The following NEGR1 variants were observed in gnomAD, a reference collection of about 807,000 sequenced individuals.
NEGR1 encodes IgLON family member 4.
A neutral mutation model predicts 40.9 loss-of-function variants in NEGR1; 10 were observed. The observed-to-expected ratio is 0.24, with a 90% CI of 0.15 to 0.42. The LOEUF (loss-of-function observed/expected upper bound fraction) is 0.42, where lower values mean the gene tolerates loss of function less well. Among genes scored for constraint, NEGR1 ranks in the 10% least tolerant of loss-of-function variants. The pLI is 1.00. For synonymous variants in NEGR1, 185 were observed against 166.8 expected (o/e 1.11, Z -0.84); for missense variants, 352 against 438.9 (o/e 0.80, Z 1.77).
chr1:71,494,588 A>T (rs1358761847), intron 6 of NEGR1, among the ~76,000 whole-genome samples: 1 of 152,170 alleles, frequency 6.6e-6, no homozygotes. Flanking sequence ...GAATTATCAA[A>T]TCCAAGTTTA....
In NEGR1 at chr1:71,597,420, A is replaced by G. The variant is rs1255345453; in HGVS notation, c.789-4452T>C. Among the ~76,000 whole-genome samples, 14 of 130,872 alleles carry G rather than the reference A, an allele frequency of 1.1e-4. No individual in the cohort carries two copies. The East Asian group carries it at 3.0e-3, about 28-fold the overall frequency. 85.9% of individuals were successfully genotyped at this position (130,872 alleles called of 152,430 possible). ...CAAGGATGGAGTTTTATTTATATAT[A>G]TATATATATATGTCTCTCTCTCTCT... On this transcript the variant is annotated intron_variant, in intron 5 of 6. Coordinates refer to ENST00000357731, the MANE Select transcript of NEGR1 (RefSeq NM_173808.3).
intron 1 of NEGR1, among the ~76,000 whole-genome samples, chr1:71,997,684 T>C (rs1646517132): frequency 6.6e-6 from 1 of 151,950 alleles, no homozygotes; most frequent in South Asian, 2.1e-4. Context: ...TTATTGGATG[T>C]TTTCTTTCTG....
intron 6 of NEGR1, among the ~76,000 whole-genome samples, chr1:71,562,653 GTTTTC>G (rs1327797909): frequency 1.3e-5 from 2 of 151,860 alleles, no homozygotes; most frequent in East Asian, 1.9e-4. Flanking sequence ...TATTTAGCTT[GTTTTC>G]TTTTCTTTTA....
chr1:71,960,447 A>G (rs1451386309), intron 1 of NEGR1, among the ~76,000 whole-genome samples: 1 of 152,204 alleles, frequency 6.6e-6, no homozygotes, highest in African/African-American at 2.4e-5. Context: ...GTTTATTGCC[A>G]CACATATTTG....
intron 1 of NEGR1, among the ~76,000 whole-genome samples, chr1:72,006,191 T>C (rs1646605057): frequency 3.9e-5 from 6 of 152,204 alleles, no homozygotes; most frequent in Admixed American, 3.9e-4. Context: ...TAGATTTCTA[T>C]TTTCCTAATG....
chr1:71,871,791 G>A (rs1660286054), intron 2 of NEGR1, among the ~76,000 whole-genome samples: 1 of 152,056 alleles, frequency 6.6e-6, no homozygotes, highest in African/African-American at 2.4e-5. Context: ...TTAACTCTCT[G>A]TACTATCTAC....
At chr1:71,868,523 T>C (rs1660188361) in intron 2 of NEGR1, among the ~76,000 whole-genome samples, 1 of 149,552 alleles carries the variant, frequency 6.7e-6, no homozygotes, top group African/African-American at 2.4e-5. Flanking sequence ...TACATGGATT[T>C]ATATTATATA....
At chr1:71,542,773 A>G (rs530555456) in intron 6 of NEGR1, among the ~76,000 whole-genome samples, 1 of 151,852 alleles carries the variant, frequency 6.6e-6, no homozygotes, top group South Asian at 2.1e-4. Flanking sequence ...TGTCACTCCT[A>G]TGATAACCTT....
At chr1:71,807,932 C>T (rs11588321) in intron 2 of NEGR1, among the ~76,000 whole-genome samples, 12,438 of 152,030 alleles carry the variant, frequency 0.082, 662 homozygotes, top group African/African-American at 0.14. Context: ...TAATTTGTTC[C>T]ACTCTCCAAG....
intron 5 of NEGR1, among the ~76,000 whole-genome samples, chr1:71,610,706 G>A (rs776227185): frequency 8.2e-4 from 125 of 152,134 alleles, no homozygotes; most frequent in Non-Finnish European, 2.9e-4. Context: ...CTGTACTCAC[G>A]TCCTTTAAGA....
At chr1:71,437,608 CT>C (rs1352216025) in intron 6 of NEGR1, among the ~76,000 whole-genome samples, 1 of 152,090 alleles carries the variant, frequency 6.6e-6, no homozygotes, top group African/African-American at 2.4e-5. Context: ...AAACATTCTA[CT>C]TTGCATTTAG....
intron 1 of NEGR1, among the ~76,000 whole-genome samples, chr1:72,137,943 C>A (rs1273626787): frequency 2.0e-5 from 3 of 151,940 alleles, no homozygotes; most frequent in Non-Finnish European, 4.4e-5. Context: ...ACCTAGAGTT[C>A]TATAACCATT....
intron 6 of NEGR1, among the ~76,000 whole-genome samples, chr1:71,484,505 T>C (rs2101376262): frequency 6.6e-6 from 1 of 151,908 alleles, no homozygotes; most frequent in Non-Finnish European, 1.5e-5. Flanking sequence ...ATATCATAAA[T>C]GAGATTATCC....
At chr1:71,966,658 A>C (rs1646212168) in intron 1 of NEGR1, among the ~76,000 whole-genome samples, 1 of 152,172 alleles carries the variant, frequency 6.6e-6, no homozygotes, top group Admixed American at 6.5e-5. Flanking sequence ...AGTGCATAGA[A>C]GATCTCAAAC....
chr1:72,049,189 A>G (rs1341063983), intron 1 of NEGR1, among the ~76,000 whole-genome samples: 2 of 151,474 alleles, frequency 1.3e-5, no homozygotes, highest in Non-Finnish European at 3.0e-5. Flanking sequence ...ATAATGCAAA[A>G]AATTAGCCAG....
chr1:71,496,500 T>C (rs1360246309), intron 6 of NEGR1, among the ~76,000 whole-genome samples: 1 of 152,106 alleles, frequency 6.6e-6, no homozygotes. Flanking sequence ...GTGGAAAACA[T>C]CTTGCCTTTT....
chr1:72,014,513 A>G (rs1407601545), intron 1 of NEGR1, among the ~76,000 whole-genome samples: 1 of 152,074 alleles, frequency 6.6e-6, no homozygotes, highest in African/African-American at 2.4e-5. Flanking sequence ...ATTTCACTTT[A>G]CAATTCAGGT....
chr1:71,902,944 T>C (rs1235388448), intron 2 of NEGR1, among the ~76,000 whole-genome samples: 1 of 152,056 alleles, frequency 6.6e-6, no homozygotes, highest in Non-Finnish European at 1.5e-5. Context: ...ATTAGCTATG[T>C]TATTATAATT....
chr1:71,726,581 G>A (rs780010414), intron 3 of NEGR1, among the ~76,000 whole-genome samples: 4 of 151,974 alleles, frequency 2.6e-5, no homozygotes, highest in Non-Finnish European at 2.9e-5. Context: ...TTCTCTCTAC[G>A]TGATTGTAAA....
Sources: allele counts gnomAD v4.1 joint callset (sites outside exome capture counted in the v4.1 genomes callset), GRCh38; gene constraint gnomAD v4.1.1; transcripts MANE v1.5; gene names NCBI Gene and HGNC (gene_info 2026-07-23, HGNC 2026-07-21).